The following APCDD1L variants were observed in gnomAD, a reference collection of about 807,000 sequenced individuals.
The protein encoded by APCDD1L is protein APCDD1-like.
Under a neutral mutation model 24.2 loss-of-function variants are expected in APCDD1L, and 21 were observed. The observed-to-expected ratio is 0.87, with a 90% confidence interval of 0.61 to 1.25. APCDD1L has a LOEUF of 1.25. Among genes scored for constraint, APCDD1L ranks in the 50% most tolerant of loss-of-function variants. The pLI, the probability that APCDD1L is intolerant of heterozygous loss-of-function variation, is 0.00. For synonymous variants in APCDD1L, 321 were observed against 323.6 expected, an observed-to-expected ratio of 0.99 and a Z score of 0.09; for missense variants, 704 against 711.7, an observed-to-expected ratio of 0.99 and a Z score of 0.12.
intron 1 of APCDD1L, among the ~76,000 whole-genome samples, chr20:58,486,350 A>G (rs571054279): frequency 3.3e-5 from 5 of 152,348 alleles, no homozygotes; most frequent in Middle Eastern, 3.4e-3. Flanking sequence ...TTCAGGGAGC[A>G]GATTAGACAC....
At position 58,497,939 on chromosome 20, in the gene APCDD1L, TC is replaced by T. The variant is rs1434044528; in HGVS notation, c.49+16719del. ...CCCTTCTCGGCAGCAACAACCATTA[TC>T]GGTTTGTGCATCTCTCCAGATCTTT... is the stretch of plus-strand genomic sequence containing the variant. On this transcript the variant is annotated intron_variant, in intron 1 of 3. Coordinates refer to ENST00000371149, the MANE Select transcript of APCDD1L (RefSeq NM_153360.3). This position sits in a 1 kb window ranked among gnomAD's most constrained non-coding sequence, Gnocchi z 4.3. Among the ~76,000 whole-genome samples the T allele has an allele frequency of 1.1e-4, 16 of 152,164 alleles. No individual in the cohort carries two copies. Among genetic ancestry groups the T allele is most frequent in the African/African-American group, 3.4e-4 (14 of 41,438 alleles).
chr20:58,493,670 G>A (rs1172778708), intron 1 of APCDD1L, among the ~76,000 whole-genome samples: 10 of 152,008 alleles, frequency 6.6e-5, no homozygotes, highest in Admixed American at 5.9e-4. Context: ...AAAATACCCC[G>A]TTTAGGGGGC....
At chr20:58,500,958 C>T (rs150717744) in intron 1 of APCDD1L, among the ~76,000 whole-genome samples, 78 of 152,298 alleles carry the variant, frequency 5.1e-4, no homozygotes, top group African/African-American at 1.9e-3. Flanking sequence ...CCACTGCTAC[C>T]CAGGCTCCCT....
chr20:58,513,488 T>C (rs1344370294), intron 1 of APCDD1L, among the ~76,000 whole-genome samples: 1 of 152,200 alleles, frequency 6.6e-6, no homozygotes, highest in East Asian at 1.9e-4. Flanking sequence ...TTCAGACCCC[T>C]GCCAGTTCTT....
intron 1 of APCDD1L, chr20:58,513,985 C>T: frequency 7.8e-7 from 1 of 1,278,252 alleles, no homozygotes; most frequent in Non-Finnish European, 1.0e-6. Flanking sequence ...GGTGACTGGG[C>T]CCCTGTGATG....
chr20:58,467,371 G>T lies in APCDD1L; in HGVS notation c.476C>A (p.Ala159Glu), dbSNP rs1448255918. 4.0e-6 allele frequency: 6 copies of T among 1,483,128 alleles called. No homozygotes were observed. In the East Asian group the frequency reaches 1.4e-4, roughly 34 times the overall value. The allele number at this position is 1,483,128 out of a possible 1,614,324, so 91.9% of individuals were successfully genotyped here. A position where few individuals can be genotyped will look rare whatever the true frequency, so the allele number is the denominator to read the frequency against. Residue 159 changes from alanine (A) to glutamate (E), a missense_variant, in exon 3 of 4, where the codon GCG becomes GAG. By Grantham distance (107) the Ala-to-Glu change is moderately radical (BLOSUM62 -1). Coordinates refer to ENST00000371149, the MANE Select transcript of APCDD1L (RefSeq NM_153360.3). This position sits in a 1 kb window ranked among gnomAD's most constrained non-coding sequence, Gnocchi z 5.9. ...LNQTRAGRDCARRLPPARAWL... is the reference protein window; with the variant it reads ...LNQTRAGRDCERRLPPARAWL... Reference sequence around the variant, plus strand: ...GGCCCGGGCCGGAGGCAGCCGCCGCGCGCAGTCCCGGCCGGCGCGGGTCTG... The same window carrying T: ...GGCCCGGGCCGGAGGCAGCCGCCGCTCGCAGTCCCGGCCGGCGCGGGTCTG...
chr20:58,503,665 G>A (rs1232650233), intron 1 of APCDD1L, among the ~76,000 whole-genome samples: 5 of 152,202 alleles, frequency 3.3e-5, no homozygotes, highest in African/African-American at 4.8e-5. Context: ...TGTTTTTAAC[G>A]CACACTGAGC....
chr20:58,493,806 C>G (rs1990268654), intron 1 of APCDD1L, among the ~76,000 whole-genome samples: 1 of 152,156 alleles, frequency 6.6e-6, no homozygotes, highest in Non-Finnish European at 1.5e-5. Context: ...CACGGGTGTC[C>G]ACATTATGTT....
chr20:58,460,827 G>C lies in APCDD1L; in HGVS notation c.1469C>G (p.Pro490Arg), dbSNP rs935787218. Residue 490 changes from proline (P) to arginine (R), a missense_variant, in exon 4 of 4, where the codon CCC becomes CGC. Pro to Arg is a moderately radical substitution (Grantham distance 103). Transcript: ENST00000371149. The surrounding 1 kb of genome is among the most constrained non-coding windows in gnomAD (Gnocchi z 4.2). ...GLHIAPFPLLPLVLGLAFLHW... is the reference protein window; with the variant it reads ...GLHIAPFPLLRLVLGLAFLHW... ...GAGGAAGGCCAGCCCTAGAACTAGG[G>C]GCAGAAGTGGGAAGGGGGCTATGTG... 1.0e-5 allele frequency: 16 copies of C among 1,537,530 alleles called. No homozygotes were observed. Among genetic ancestry groups the C allele is most frequent in the South Asian group, 3.8e-5 (3 of 78,998 alleles).
chr20:58,496,027 T>A (rs959374748), intron 1 of APCDD1L, among the ~76,000 whole-genome samples: 2 of 152,188 alleles, frequency 1.3e-5, no homozygotes, highest in Admixed American at 6.5e-5. Flanking sequence ...GTCAATGACA[T>A]ACCGTCTTTA....
rs746698899 is a variant in APCDD1L, at chr20:58,461,197, T to A, written c.1099A>T (p.Thr367Ser). 9.9e-6 allele frequency: 16 copies of A among 1,613,572 alleles called. No individual in the cohort carries two copies. The South Asian group carries it at 1.4e-4, about 14-fold the overall frequency. ...TCAGAGAAGTTGAGCATGGCCGTGGTGACCTGGTCCATGGGGGTCACATGG... is the reference window on the plus strand; with the variant it reads ...TCAGAGAAGTTGAGCATGGCCGTGGAGACCTGGTCCATGGGGGTCACATGG... ...RAHVTPMDQV[T>S]TAMLNFSEPS... The change falls in exon 4 of 4, where the codon ACC (threonine) becomes TCC (serine). Residue 367 changes from threonine to serine, a missense_variant. By Grantham distance (58) the Thr-to-Ser change is moderately conservative. Coordinates refer to ENST00000371149, the MANE Select transcript of APCDD1L (RefSeq NM_153360.3). This position sits in a 1 kb window ranked among gnomAD's most constrained non-coding sequence, Gnocchi z 6.0.
Position 58,494,982 on chromosome 20 carries a change from T to C in APCDD1L, c.49+19677A>G, listed in dbSNP as rs1440523149. On this transcript the variant is annotated intron_variant, in intron 1 of 3. Coordinates refer to ENST00000371149, the MANE Select transcript of APCDD1L (RefSeq NM_153360.3). This position sits in a 1 kb window ranked among gnomAD's most constrained non-coding sequence, Gnocchi z 4.8. The stretch of plus-strand genomic sequence containing the variant: ...ACACCCCCATGACCTTGTCTCAAGG[T>C]GGGCCCTCTGGTGTCCCCTGGAGCC... 6.6e-6 allele frequency among the ~76,000 whole-genome samples: 1 copy of C among 152,122 alleles called. No homozygotes were observed. Among genetic ancestry groups the C allele is most frequent in the East Asian group, 1.9e-4 (1 of 5,166 alleles).
chr20:58,491,708 A>AT (rs1325398566), intron 1 of APCDD1L, among the ~76,000 whole-genome samples: 3 of 152,180 alleles, frequency 2.0e-5, no homozygotes, highest in Non-Finnish European at 2.9e-5. Context: ...AGGTTATCTT[A>AT]TTTTTTTGGG....
chr20:58,473,451 T>G (rs897083000), intron 1 of APCDD1L, among the ~76,000 whole-genome samples: 1 of 152,262 alleles, frequency 6.6e-6, no homozygotes, highest in Non-Finnish European at 1.5e-5. Flanking sequence ...CTCCTCAAGA[T>G]GCACCTGTGG....
chr20:58,500,711 C>T (rs887948441), intron 1 of APCDD1L, among the ~76,000 whole-genome samples: 1 of 152,192 alleles, frequency 6.6e-6, no homozygotes, highest in East Asian at 1.9e-4. Flanking sequence ...ACCACAGCCA[C>T]CCACGCTCTG....
At chr20:58,472,807 C>T (rs1341715299) in intron 1 of APCDD1L, among the ~76,000 whole-genome samples, 3 of 152,204 alleles carry the variant, frequency 2.0e-5, no homozygotes, top group Non-Finnish European at 4.4e-5. Context: ...CAACTTGGCA[C>T]GTCTACTTTG....
intron 1 of APCDD1L, among the ~76,000 whole-genome samples, chr20:58,503,410 C>T (rs1990479284): frequency 6.6e-6 from 1 of 152,194 alleles, no homozygotes; most frequent in Non-Finnish European, 1.5e-5. Context: ...CAGCTTCAAA[C>T]TATCTAGAAA....
intron 1 of APCDD1L, among the ~76,000 whole-genome samples, chr20:58,489,596 A>G (rs1680913571): frequency 6.6e-6 from 1 of 151,700 alleles, no homozygotes; most frequent in African/African-American, 2.4e-5. Context: ...AGGCAGGACA[A>G]TCGCTTGAAC....
chr20:58,461,418 G>A lies in APCDD1L; in HGVS notation c.878C>T (p.Pro293Leu), dbSNP rs1319865281. ...WWVSSGCEVR[P>L]AVLFLTRLFT... ...GAGCCGGGTGAGGAACAGGACTGCT[G>A]GGCGCACCTCGCACCCCGAGCTGAC... Residue 293 changes from proline to leucine, a missense_variant, in exon 4 of 4, where the codon CCA (proline) becomes CTA (leucine). Transcript: ENST00000371149. The surrounding 1 kb of genome is among the most constrained non-coding windows in gnomAD (Gnocchi z 6.0). 1.3e-6 allele frequency: 2 copies of A among 1,538,530 alleles called. No homozygotes were observed. The highest frequency in any genetic ancestry group is 1.8e-6 in the Non-Finnish European group (2 of 1,138,922).
Sources: gnomAD v4.1 joint callset for allele counts (sites outside exome capture counted in the v4.1 genomes callset) on GRCh38, gnomAD v4.1.1 for gene constraint, Gnocchi (gnomAD v3.1) non-coding constraint, MANE v1.5 for transcripts, NCBI Gene and HGNC (gene_info 2026-07-23, HGNC 2026-07-21) for gene names.